The following ATPAF2 variants were observed in gnomAD, a reference collection of about 807,000 sequenced individuals.
The protein encoded by ATPAF2 is ATP12 homolog.
A neutral mutation model predicts 36.6 loss-of-function variants in ATPAF2; 30 were observed. The observed-to-expected ratio is 0.82, with a 90% CI of 0.61 to 1.11. The LOEUF (loss-of-function observed/expected upper bound fraction) is 1.11. Among genes scored for constraint, ATPAF2 ranks in the 50% most tolerant of loss-of-function variants. The pLI is 0.00. For missense variants in ATPAF2, 321 were observed against 372.3 expected, an observed-to-expected ratio of 0.86 and a Z score of 1.13; for synonymous variants, 140 against 152.6, an observed-to-expected ratio of 0.92 and a Z score of 0.61.
intron 7 of ATPAF2, among the ~76,000 whole-genome samples, chr17:18,019,187 C>CACACACACACACACACACACACA (rs1256217214): frequency 5.2e-4 from 21 of 40,420 alleles, no homozygotes; most frequent in African/African-American, 1.8e-3. Flanking sequence ...ACACACACAC[C>CACACACACACACACACACACACA]CCACCACCCC....
chr17:18,029,073 T>C (rs1752691242), intron 1 of ATPAF2, among the ~76,000 whole-genome samples: 1 of 151,736 alleles, frequency 6.6e-6, no homozygotes, highest in African/African-American at 2.4e-5. Context: ...CTCTAAGGAG[T>C]GAGTGGAAAG....
intron 7 of ATPAF2, chr17:18,020,766 C>A (rs1457736786): frequency 2.6e-5 from 6 of 231,170 alleles, no homozygotes; most frequent in Non-Finnish European, 4.3e-5. Flanking sequence ...ACAACCTCCA[C>A]CTCCCAGGTT....
chr17:18,019,607 C>G (rs568111789), intron 7 of ATPAF2, among the ~76,000 whole-genome samples: 1 of 152,258 alleles, frequency 6.6e-6, no homozygotes, highest in African/African-American at 2.4e-5. Context: ...GAGGGAGGAA[C>G]GCTCAGACAC....
At chr17:18,037,667 C>T (rs1044697394) in intron 1 of ATPAF2, among the ~76,000 whole-genome samples, 1 of 152,180 alleles carries the variant, frequency 6.6e-6, no homozygotes, top group East Asian at 1.9e-4. Context: ...AGTACTTCAA[C>T]GCATGGAGAA....
chr17:18,028,144 C>T, intron 3 of ATPAF2, 88 bp downstream of exon 3: 1 of 1,545,776 alleles, frequency 6.5e-7, no homozygotes, highest in South Asian at 1.1e-5. Flanking sequence ...GACCAGCCCC[C>T]AGGGCCTTGT....
chr17:18,021,954 T>C (rs1409588303), intron 5 of ATPAF2, 97 bp from the exon 6 acceptor site: 21 of 1,060,532 alleles, frequency 2.0e-5, no homozygotes, highest in Non-Finnish European at 3.1e-5. Flanking sequence ...TCAGAGCATG[T>C]GTGTGCATTG....
At chr17:18,031,514 G>A (rs2044634614) in intron 1 of ATPAF2, among the ~76,000 whole-genome samples, 1 of 151,684 alleles carries the variant, frequency 6.6e-6, no homozygotes, top group African/African-American at 2.4e-5. Flanking sequence ...AGGCGCGGTG[G>A]TCACGCCTGT....
Position 18,021,836 on chromosome 17 carries a change from G to A in ATPAF2, c.525C>T (p.Ser175=), listed in dbSNP as rs1226347734. Residue 175 remains serine, a synonymous_variant, in exon 6 of 8, where the codon TCC becomes TCT. Transcript: ENST00000474627. ...AEKRYGVEIS[S]STSIMGPSIP... Reference sequence around the variant, plus strand: ...TGCTGGGTCCCATTATGCTGGTGGAGGAGCTGATCTCCACGCCGTATCTGA... The same window carrying A: ...TGCTGGGTCCCATTATGCTGGTGGAAGAGCTGATCTCCACGCCGTATCTGA... 4 of 1,614,040 alleles carry A rather than the reference G, an allele frequency of 2.5e-6. No homozygotes were observed. Among genetic ancestry groups the A allele is most frequent in the African/African-American group, 2.7e-5 (2 of 74,932 alleles).
At chr17:18,016,089 T>C (rs745798344), downstream of ATPAF2, 28 of 1,613,922 alleles carry the variant, frequency 1.7e-5, no homozygotes, top group Non-Finnish European at 2.2e-5. Flanking sequence ...GATACGATTG[T>C]TAATGCTGTC....
Position 18,028,224 on chromosome 17 carries a change from C to T in ATPAF2, c.324+8G>A, listed in dbSNP as rs1265579271. 1 of 1,614,168 alleles carries T rather than the reference C, an allele frequency of 6.2e-7. No individual in the cohort carries two copies. The highest frequency in any genetic ancestry group is 1.1e-5 in the South Asian group (1 of 91,084). On this transcript the variant is annotated splice_region_variant and intron_variant, in intron 3 of 7. Transcript: ENST00000474627. ...TCAGGGTCCAGGTTCACACTGTGAA[C>T]TTGTTACCAGGTGCATGGTGTAGTA... is the stretch of plus-strand genomic sequence containing the variant.
chr17:18,030,513 G>GGA (rs1555529249), intron 1 of ATPAF2, among the ~76,000 whole-genome samples: 1 of 77,566 alleles, frequency 1.3e-5, no homozygotes, highest in African/African-American at 4.7e-5. Context: ...GTCTCTTGGG[G>GGA]AAAAAAAAAA....
downstream of ATPAF2, chr17:18,016,551 T>C (rs770147379): frequency 1.2e-6 from 2 of 1,602,564 alleles, no homozygotes; most frequent in South Asian, 2.2e-5. Context: ...TTGGTTTCAC[T>C]CCTCAGATTC....
intron 7 of ATPAF2, 68 bp from the exon 8 acceptor site, chr17:18,018,754 C>T (rs1024864549): frequency 3.1e-6 from 5 of 1,610,024 alleles, no homozygotes; most frequent in Middle Eastern, 3.3e-4. Flanking sequence ...ACCAAAGCCA[C>T]GTTCCATTCC....
chr17:18,026,043 T>A (rs1373588648), intron 4 of ATPAF2: 1 of 540,770 alleles, frequency 1.8e-6, no homozygotes, highest in African/African-American at 1.9e-5. Context: ...AAGGGGCCTG[T>A]GGTCACGGCA....
In ATPAF2 at chr17:18,021,859, T is replaced by G. The variant is rs779229175; in HGVS notation, c.504-2A>C. On this transcript the variant is annotated splice_acceptor_variant, in intron 5 of 7. Transcript: ENST00000474627. LOFTEE classifies it high-confidence loss of function. Reference sequence around the variant, plus strand: ...GAGGAGCTGATCTCCACGCCGTATCTGAAAGGAAAAGGGCTTCGGCATGTC... The same window carrying G: ...GAGGAGCTGATCTCCACGCCGTATCGGAAAGGAAAAGGGCTTCGGCATGTC... 1 of 1,613,742 alleles carries G rather than the reference T, an allele frequency of 6.2e-7. No individual in the cohort carries two copies. Among genetic ancestry groups the G allele is most frequent in the Non-Finnish European group, 8.5e-7 (1 of 1,179,690 alleles).
At chr17:18,028,568 C>CAT (rs757659761) in intron 2 of ATPAF2, 47 bp downstream of exon 2, 9 of 1,131,742 alleles carry the variant, frequency 8.0e-6, no homozygotes, top group Non-Finnish European at 1.1e-5. Context: ...CCCAACCATT[C>CAT]ACAAAAAAAA....
chr17:18,021,502 G>C, intron 6 of ATPAF2: 1 of 625,684 alleles, frequency 1.6e-6, no homozygotes, highest in Non-Finnish European at 2.9e-6. Flanking sequence ...ATGGACATGT[G>C]ACCCAAGCCA....
At position 18,038,879 on chromosome 17, in the gene ATPAF2, A is replaced by C; in HGVS notation, c.133+2T>G. 6.2e-7 allele frequency: 1 copy of C among 1,613,964 alleles called. No homozygotes were observed. Among genetic ancestry groups the C allele is most frequent in the Non-Finnish European group, 8.5e-7 (1 of 1,179,876 alleles). The stretch of plus-strand genomic sequence containing the variant: ...ACCCAAAAGAACATGTCATGGTCTT[A>C]CCTGTCGGCGGGGCGTAAGCCCGGG... On this transcript the variant is annotated splice_donor_variant, in intron 1 of 7. Coordinates refer to ENST00000474627, the MANE Select transcript of ATPAF2 (RefSeq NM_145691.4). LOFTEE classifies it high-confidence loss of function.
At chr17:18,016,891 C>T (rs1318670303), downstream of ATPAF2, 1 of 385,628 alleles carries the variant, frequency 2.6e-6, no homozygotes, top group South Asian at 3.2e-5. Context: ...AAAAAAAAAT[C>T]AGCTGGGTGC....
Sources: gnomAD v4.1 joint callset for allele counts (sites outside exome capture counted in the v4.1 genomes callset) on GRCh38, gnomAD v4.1.1 for gene constraint, MANE v1.5 for transcripts, NCBI Gene and HGNC (gene_info 2026-07-23, HGNC 2026-07-21) for gene names.